CPEB3: variants seen among roughly 807,000 people sequenced by gnomAD.
The protein encoded by CPEB3 is cytoplasmic polyadenylation element binding protein 3.
CPEB3 carries 20 observed loss-of-function variants against 67.2 expected under a neutral mutation model. The observed-to-expected ratio is 0.30, with a 90% confidence interval of 0.21 to 0.43. The LOEUF is 0.43. CPEB3 is among the 20% of genes least tolerant of loss of function. The pLI is 1.00. For synonymous variants in CPEB3, 376 were observed against 393.1 expected (o/e 0.96, Z 0.51); for missense variants, 746 against 968.6 (o/e 0.77, Z 3.05).
intron 4 of CPEB3, among the ~76,000 whole-genome samples, chr10:92,163,919 G>C (rs1245445131): frequency 6.6e-6 from 1 of 152,094 alleles, no homozygotes; most frequent in African/African-American, 2.4e-5. Context: ...TATACATTAA[G>C]CATTTGGATG....
At chr10:92,091,785 TG>T in intron 8 of CPEB3, 44 bp downstream of exon 8, 2 of 1,196,146 alleles carry the variant, frequency 1.7e-6, no homozygotes, top group Non-Finnish European at 2.4e-6. Flanking sequence ...TTGGGGATTT[TG>T]TTGTTGTTGG....
chr10:92,165,014 G>A (rs749223430), intron 4 of CPEB3, among the ~76,000 whole-genome samples: 3 of 152,064 alleles, frequency 2.0e-5, no homozygotes, highest in Admixed American at 6.6e-5. Context: ...CTGTAATACA[G>A]CAAATATCAC....
chr10:92,048,001 G>C lies in CPEB3; in HGVS notation c.*4211C>G, dbSNP rs1332988915. 2 of 152,304 alleles carry C rather than the reference G, an allele frequency of 1.3e-5. No homozygotes were observed. The highest frequency in any genetic ancestry group is 2.9e-5 in the Non-Finnish European group (2 of 68,088). 9.4% of individuals were successfully genotyped at this position (152,304 alleles called of 1,614,324 possible). A position where few individuals can be genotyped will look rare whatever the true frequency, so the allele number is the denominator to read the frequency against. ...AACTGCCCAGCTTCCAGGTGAGGAG[G>C]GTGTTGGAAAAGCAGCAGCAGAAAG... On this transcript the variant is annotated 3_prime_UTR_variant, in exon 10 of 10. Coordinates refer to ENST00000265997, the MANE Select transcript of CPEB3 (RefSeq NM_014912.5). This position sits in a 1 kb window ranked among gnomAD's most constrained non-coding sequence, Gnocchi z 4.1.
chr10:92,287,661 CT>C (rs200403624), intron 1 of CPEB3, among the ~76,000 whole-genome samples: 1,603 of 152,146 alleles, frequency 0.011, 12 homozygotes, highest in Middle Eastern at 0.014. Flanking sequence ...CTTTTAAAAG[CT>C]TTATTGAGAT....
At chr10:92,149,950 T>C (rs974047052) in intron 4 of CPEB3, among the ~76,000 whole-genome samples, 30 of 152,236 alleles carry the variant, frequency 2.0e-4, no homozygotes, top group African/African-American at 5.8e-4. Flanking sequence ...TATGCAGCCC[T>C]GGGAAATATC....
chr10:92,269,125 C>T (rs553617849), intron 1 of CPEB3, among the ~76,000 whole-genome samples: 64 of 150,752 alleles, frequency 4.2e-4, no homozygotes, highest in African/African-American at 1.4e-3. Context: ...CTTGGGAGCA[C>T]AACCTTGGGC....
chr10:92,100,334 C>CTGG, intron 7 of CPEB3, among the ~76,000 whole-genome samples: 1 of 152,120 alleles, frequency 6.6e-6, no homozygotes, highest in Non-Finnish European at 1.5e-5. Context: ...AGTGCAATGG[C>CTGG]ACGATCTCTG....
chr10:92,289,917 T>G (rs958605350), intron 1 of CPEB3, among the ~76,000 whole-genome samples: 1 of 120,146 alleles, frequency 8.3e-6, no homozygotes, highest in Admixed American at 8.7e-5. Context: ...AGTGTGTGTG[T>G]ATGTGTGTGG....
intron 6 of CPEB3, among the ~76,000 whole-genome samples, chr10:92,134,422 A>C (rs1845990703): frequency 6.6e-6 from 1 of 151,902 alleles, no homozygotes; most frequent in Admixed American, 6.6e-5. Context: ...AACTGCTTCA[A>C]AGAGAATAAA....
chr10:92,154,997 CCA>C (rs1847137230), intron 4 of CPEB3, among the ~76,000 whole-genome samples: 1 of 152,132 alleles, frequency 6.6e-6, no homozygotes, highest in Admixed American at 6.5e-5. Flanking sequence ...TGGCTTGAGG[CCA>C]GGAGTTCAGG....
chr10:92,205,537 C>T (rs998233460), intron 2 of CPEB3, among the ~76,000 whole-genome samples: 1 of 127,822 alleles, frequency 7.8e-6, no homozygotes, highest in South Asian at 2.5e-4. Flanking sequence ...AGTGCAGTGG[C>T]GTGATCTTAG....
At chr10:92,202,122 G>C (rs1376363022) in intron 2 of CPEB3, among the ~76,000 whole-genome samples, 1 of 152,080 alleles carries the variant, frequency 6.6e-6, no homozygotes, top group Non-Finnish European at 1.5e-5. Context: ...TCCAAATGCT[G>C]ACTAGGATGC....
intron 6 of CPEB3, among the ~76,000 whole-genome samples, chr10:92,131,812 T>C (rs1362158259): frequency 1.3e-5 from 2 of 152,196 alleles, no homozygotes; most frequent in Non-Finnish European, 2.9e-5. Flanking sequence ...GTGCCACATA[T>C]AATTCCTTAA....
At chr10:92,256,768 G>A (rs1025030983) in intron 1 of CPEB3, among the ~76,000 whole-genome samples, 11 of 152,196 alleles carry the variant, frequency 7.2e-5, no homozygotes, top group Non-Finnish European at 1.6e-4. Flanking sequence ...CCTTGACCAT[G>A]TAAGCAGAAT....
chr10:92,207,654 G>A (rs563071998), intron 2 of CPEB3, among the ~76,000 whole-genome samples: 15 of 152,272 alleles, frequency 9.9e-5, no homozygotes, highest in Admixed American at 7.9e-4. Flanking sequence ...GGCAGGTCAC[G>A]AGGTCAAGAG....
intron 1 of CPEB3, among the ~76,000 whole-genome samples, chr10:92,288,384 C>T (rs1432380730): frequency 6.6e-6 from 1 of 151,466 alleles, no homozygotes; most frequent in Non-Finnish European, 1.5e-5. Context: ...TGCTTGAGCC[C>T]CTGAGGCTGA....
intron 2 of CPEB3, among the ~76,000 whole-genome samples, chr10:92,227,789 C>T (rs1851055603): frequency 1.3e-5 from 2 of 152,130 alleles, no homozygotes; most frequent in South Asian, 4.1e-4. Context: ...GACGGGGTTT[C>T]ACTGTGTTAG....
chr10:92,047,689 T>G lies in CPEB3; in HGVS notation c.*4523A>C, dbSNP rs1388029475. On this transcript the variant is annotated 3_prime_UTR_variant, in exon 10 of 10. Transcript: ENST00000265997. ...AAATTCCAACCAGTAGTACCCAATT[T>G]GAGTTAAAATTTTACATCACAACTT... 1 of 152,252 alleles carries G rather than the reference T, an allele frequency of 6.6e-6. No individual in the cohort carries two copies. Among genetic ancestry groups the G allele is most frequent in the African/African-American group, 2.4e-5 (1 of 41,474 alleles). 9.4% of individuals were successfully genotyped at this position (152,252 alleles called of 1,614,324 possible).
chr10:92,170,328 T>A (rs1233286920), intron 4 of CPEB3, among the ~76,000 whole-genome samples: 1 of 152,240 alleles, frequency 6.6e-6, no homozygotes, highest in East Asian at 1.9e-4. Context: ...GTAATCACTC[T>A]AGAATTTCCA....
Sources: allele counts gnomAD v4.1 joint callset (sites outside exome capture counted in the v4.1 genomes callset), GRCh38; gene constraint gnomAD v4.1.1; non-coding constraint Gnocchi (gnomAD v3.1); transcripts MANE v1.5; gene names NCBI Gene and HGNC (gene_info 2026-07-23, HGNC 2026-07-21).